The following EPC2 variants were observed in gnomAD, a reference collection of about 807,000 sequenced individuals.
EPC2 encodes the protein enhancer of polycomb 2.
A neutral mutation model predicts 92.1 loss-of-function variants in EPC2; 14 were observed. The observed-to-expected ratio is 0.15, with a 90% confidence interval of 0.10 to 0.24. The LOEUF is 0.24. EPC2 is among the 10% of genes least tolerant of loss of function. The pLI is 1.00. For missense variants in EPC2, 755 were observed against 971.5 expected (o/e 0.78, Z 2.96); for synonymous variants, 340 against 334.7 (o/e 1.02, Z -0.17).
chr2:148,743,475 T>C, intron 2 of EPC2, 147 bp from the exon 3 acceptor site: 1 of 530,382 alleles, frequency 1.9e-6, no homozygotes, highest in Non-Finnish European at 3.2e-6. Flanking sequence ...GTGCAGTAAG[T>C]CTCTGAAATT....
Position 148,787,231 on chromosome 2 carries a change from T to G in EPC2, c.*854T>G, listed in dbSNP as rs1683886089. 1 of 152,146 alleles carries G rather than the reference T, an allele frequency of 6.6e-6. No homozygotes were observed. The highest frequency in any genetic ancestry group is 2.4e-5 in the African/African-American group (1 of 41,262). 9.4% of individuals were successfully genotyped at this position (152,146 alleles called of 1,614,324 possible). On this transcript the variant is annotated 3_prime_UTR_variant, in exon 14 of 14. Coordinates refer to ENST00000258484, the MANE Select transcript of EPC2 (RefSeq NM_015630.4). ...CATAAAAGATACTTTACCAGGTATG[T>G]ATTGCATTATATCATTGCAATAATT...
chr2:148,669,564 C>G (rs997986140), intron 1 of EPC2, among the ~76,000 whole-genome samples: 1 of 152,072 alleles, frequency 6.6e-6, no homozygotes, highest in Non-Finnish European at 1.5e-5. Flanking sequence ...AACCTGTTGT[C>G]CCAGTTACTC....
intron 2 of EPC2, among the ~76,000 whole-genome samples, chr2:148,724,168 A>G (rs1682440529): frequency 6.6e-6 from 1 of 152,074 alleles, no homozygotes; most frequent in Non-Finnish European, 1.5e-5. Context: ...TTTTATTGGA[A>G]TATGTATGCT....
intron 2 of EPC2, among the ~76,000 whole-genome samples, chr2:148,734,910 G>GTT (rs111358826): frequency 2.1e-5 from 3 of 143,974 alleles, no homozygotes; most frequent in African/African-American, 7.6e-5. Flanking sequence ...ATGTTCTACA[G>GTT]TTTTTTTTTT....
intron 1 of EPC2, among the ~76,000 whole-genome samples, chr2:148,670,981 G>A (rs1208765565): frequency 6.6e-6 from 1 of 152,154 alleles, no homozygotes; most frequent in Admixed American, 6.5e-5. Context: ...ACTGCACCCA[G>A]CCCCTATTCT....
rs56911412 is a variant in EPC2, at chr2:148,663,592, ATTTTTTTTTTTT to A, written c.153+18439_153+18450del. The stretch of plus-strand genomic sequence containing the variant: ...TTCCAGTTTTACTATATAGATTAAG[ATTTTTTTTTTTT>A]TTTTTTTTTTTTTTTTGGTAAGAAT... On this transcript the variant is annotated intron_variant, in intron 1 of 13. Transcript: ENST00000258484. 1.1e-3 allele frequency among the ~76,000 whole-genome samples: 82 copies of A among 74,376 alleles called. 1 individual carries two copies. The highest frequency in any genetic ancestry group is 4.3e-3 in the African/African-American group (77 of 17,854). 48.8% of individuals were successfully genotyped at this position (74,376 alleles called of 152,430 possible). A position where few individuals can be genotyped will look rare whatever the true frequency, so the allele number is the denominator to read the frequency against.
chr2:148,657,819 T>C, intron 1 of EPC2, among the ~76,000 whole-genome samples: 1 of 152,110 alleles, frequency 6.6e-6, no homozygotes, highest in East Asian at 1.9e-4. Context: ...ACCACACCTT[T>C]CAGGGCTTCT....
chr2:148,736,422 T>C (rs1275590342), intron 2 of EPC2, among the ~76,000 whole-genome samples: 1 of 152,130 alleles, frequency 6.6e-6, no homozygotes, highest in East Asian at 1.9e-4. Flanking sequence ...CATGTTTTCC[T>C]GGCCCAGATC....
chr2:148,720,151 T>C (rs1682340174), intron 2 of EPC2, among the ~76,000 whole-genome samples: 1 of 152,230 alleles, frequency 6.6e-6, no homozygotes, highest in Non-Finnish European at 1.5e-5. Flanking sequence ...AGGGCCTGGC[T>C]GGGAGGTCCC....
intron 2 of EPC2, among the ~76,000 whole-genome samples, chr2:148,711,140 C>A (rs1454355399): frequency 6.6e-6 from 1 of 151,158 alleles, no homozygotes; most frequent in East Asian, 1.9e-4. Flanking sequence ...GTTTCATTTG[C>A]TCTTCTAGTT....
chr2:148,756,543 G>C (rs886377790), intron 4 of EPC2, among the ~76,000 whole-genome samples: 3 of 152,184 alleles, frequency 2.0e-5, no homozygotes, highest in Admixed American at 6.5e-5. Flanking sequence ...TTGTTTGGCT[G>C]TCTGGAATTT....
At chr2:148,717,127 T>C (rs924767719) in intron 2 of EPC2, among the ~76,000 whole-genome samples, 7 of 152,086 alleles carry the variant, frequency 4.6e-5, no homozygotes, top group Admixed American at 4.6e-4. Flanking sequence ...TGTTCTGTCT[T>C]CTTTATTAGC....
At chr2:148,713,628 C>G (rs939414519) in intron 2 of EPC2, among the ~76,000 whole-genome samples, 1 of 152,118 alleles carries the variant, frequency 6.6e-6, no homozygotes, top group African/African-American at 2.4e-5. Context: ...ATCCTATAAG[C>G]TATATTTATG....
rs138583366 is a variant in EPC2 at position 148,743,434 on chromosome 2, T to C, written c.314-188T>C. Among the ~76,000 whole-genome samples, 7 of 152,314 alleles carry C rather than the reference T, an allele frequency of 4.6e-5. No homozygotes were observed. The East Asian group carries it at 1.3e-3, about 29-fold the overall frequency. On this transcript the variant is annotated intron_variant, in intron 2 of 13. Coordinates refer to ENST00000258484, the MANE Select transcript of EPC2 (RefSeq NM_015630.4). ...TAACGTTTTTACTGTTTAAATCATA[T>C]ATAAAGCAAAATTTTATTTTTTCTT...
intron 1 of EPC2, among the ~76,000 whole-genome samples, chr2:148,680,885 G>A (rs1681380962): frequency 6.6e-6 from 1 of 152,188 alleles, no homozygotes; most frequent in South Asian, 2.1e-4. Context: ...AAAACAGTAT[G>A]CTGTTACTGG....
At position 148,645,072 on chromosome 2, in the gene EPC2, A is replaced by G. The variant is rs1273140092; in HGVS notation, c.55A>G (p.Ile19Val). 22 of 1,583,964 alleles carry G rather than the reference A, an allele frequency of 1.4e-5. No homozygotes were observed. The highest frequency in any genetic ancestry group is 2.3e-5 in the South Asian group (2 of 87,018). ...GCTGGACGCCGCCAAGCCGCTGCCT[A>G]TCTACCGCGGCAAGGACATGCCTGA... ...RALDAAKPLP[I>V]YRGKDMPDLN... The change falls in exon 1 of 14, where the codon ATC becomes GTC. Residue 19 changes from isoleucine (I) to valine (V), a missense_variant. By Grantham distance (29) the Ile-to-Val change is conservative. Transcript: ENST00000258484.
intron 3 of EPC2, among the ~76,000 whole-genome samples, chr2:148,747,203 C>A (rs892403211): frequency 2.6e-5 from 4 of 151,962 alleles, no homozygotes; most frequent in African/African-American, 9.7e-5. Flanking sequence ...CTCCACTTAT[C>A]ACACATTCCC....
At chr2:148,663,677 C>G (rs1250353591) in intron 1 of EPC2, among the ~76,000 whole-genome samples, 1 of 118,006 alleles carries the variant, frequency 8.5e-6, no homozygotes, top group Non-Finnish European at 1.6e-5. Context: ...CTTATTCACT[C>G]TATAGCAGTA....
chr2:148,746,242 G>T (rs947576723), intron 3 of EPC2, among the ~76,000 whole-genome samples: 7 of 151,900 alleles, frequency 4.6e-5, no homozygotes, highest in African/African-American at 1.7e-4. Flanking sequence ...CAAACTCCAG[G>T]ATTTTTTTCC....
Sources: gnomAD v4.1 joint callset for allele counts (sites outside exome capture counted in the v4.1 genomes callset) on GRCh38, gnomAD v4.1.1 for gene constraint, MANE v1.5 for transcripts, NCBI Gene and HGNC (gene_info 2026-07-23, HGNC 2026-07-21) for gene names.